The following PLXNA4 variants were observed in gnomAD, a reference collection of about 807,000 sequenced individuals.
PLXNA4 encodes plexin A4, also known as plexin-A4.
PLXNA4 carries 44 observed loss-of-function variants against 191.8 expected under a neutral mutation model. The observed-to-expected ratio is 0.23, with a 90% CI of 0.18 to 0.29. The LOEUF (loss-of-function observed/expected upper bound fraction) is 0.29. PLXNA4 is among the 10% of genes least tolerant of loss of function. PLXNA4 has a pLI of 1.00. For synonymous variants in PLXNA4, 1,082 were observed against 1,009.5 expected (o/e 1.07, Z -1.36); for missense variants, 1,800 against 2,488.8 (o/e 0.72, Z 5.89).
intron 1 of PLXNA4, among the ~76,000 whole-genome samples, chr7:132,573,918 A>C (rs2116780230): frequency 6.6e-6 from 1 of 152,286 alleles, no homozygotes; most frequent in South Asian, 2.1e-4. Flanking sequence ...CCCAGTGAGA[A>C]AGACCTCAGA....
intron 2 of PLXNA4, among the ~76,000 whole-genome samples, chr7:132,623,565 A>T (rs1296627594): frequency 1.3e-5 from 2 of 152,128 alleles, no homozygotes; most frequent in East Asian, 3.9e-4. Flanking sequence ...AGCTCCTTCC[A>T]CCATAGCAGC....
chr7:132,267,927 C>T (rs189270669), intron 4 of PLXNA4, among the ~76,000 whole-genome samples: 9 of 152,312 alleles, frequency 5.9e-5, no homozygotes, highest in African/African-American at 2.2e-4. Flanking sequence ...CTAATGCACG[C>T]ACTGCCACCC....
At chr7:132,575,119 G>A (rs1319972724) in intron 1 of PLXNA4, among the ~76,000 whole-genome samples, 1 of 152,094 alleles carries the variant, frequency 6.6e-6, no homozygotes, top group African/African-American at 2.4e-5. Context: ...ATTTGATTTG[G>A]ATCTCATGTT....
intron 3 of PLXNA4, among the ~76,000 whole-genome samples, chr7:132,423,201 T>G (rs529985044): frequency 3.3e-5 from 5 of 152,386 alleles, no homozygotes; most frequent in Non-Finnish European, 5.9e-5. Context: ...CCCAGCACTG[T>G]GCTGGGTACT....
rs573230183 is a variant in PLXNA4 at position 132,135,669 on chromosome 7, T to A, written c.5439-2470A>T. On this transcript the variant is annotated intron_variant, in intron 30 of 31. Transcript: ENST00000321063. ...AAGAGAATATCTAGAAGTATATATG[T>A]GTGTGTGAGAAAGACAGAGAGAGCT... 2.6e-5 allele frequency among the ~76,000 whole-genome samples: 4 copies of A among 152,218 alleles called. No homozygotes were observed. The South Asian group carries it at 8.3e-4, about 32-fold the overall frequency.
intron 3 of PLXNA4, among the ~76,000 whole-genome samples, chr7:132,366,261 C>T (rs1386735279): frequency 1.3e-5 from 2 of 152,120 alleles, no homozygotes; most frequent in African/African-American, 4.8e-5. Context: ...CATGGTGGCT[C>T]CCACCTATAA....
chr7:132,459,819 G>A (rs529377090), intron 3 of PLXNA4, among the ~76,000 whole-genome samples: 6 of 152,270 alleles, frequency 3.9e-5, no homozygotes, highest in Admixed American at 6.5e-5. Context: ...TTCCGGTTTC[G>A]ATGATCTAAA....
At chr7:132,470,582 G>A (rs1157834525) in intron 3 of PLXNA4, among the ~76,000 whole-genome samples, 1 of 152,174 alleles carries the variant, frequency 6.6e-6, no homozygotes, top group Non-Finnish European at 1.5e-5. Flanking sequence ...AAAGGGACTT[G>A]GAAGATATCA....
chr7:132,182,838 G>A (rs1796755048), intron 16 of PLXNA4, among the ~76,000 whole-genome samples: 1 of 152,048 alleles, frequency 6.6e-6, no homozygotes, highest in Non-Finnish European at 1.5e-5. Context: ...CTGAGAGGGA[G>A]GGCACAGGAC....
intron 4 of PLXNA4, among the ~76,000 whole-genome samples, chr7:132,262,541 T>C (rs1184363228): frequency 2.6e-5 from 4 of 152,122 alleles, no homozygotes; most frequent in Non-Finnish European, 5.9e-5. Flanking sequence ...AAAGAGTTGG[T>C]GGCACAGACA....
intron 2 of PLXNA4, among the ~76,000 whole-genome samples, chr7:132,500,716 T>C (rs1798214295): frequency 6.6e-6 from 1 of 152,202 alleles, no homozygotes; most frequent in African/African-American, 2.4e-5. Flanking sequence ...ATGAAGATGT[T>C]TGAGTGTCCT....
chr7:132,187,094 C>G (rs1171977887), intron 15 of PLXNA4, among the ~76,000 whole-genome samples: 2 of 152,116 alleles, frequency 1.3e-5, no homozygotes, highest in African/African-American at 4.8e-5. Flanking sequence ...CACCCAGGAA[C>G]TGAAGACAGC....
chr7:132,508,899 GTGCTGGAGGCTGACT>G lies in PLXNA4; in HGVS notation c.-86-135_-86-121del. 8.7e-6 allele frequency: 9 copies of G among 1,039,502 alleles called. No individual in the cohort carries two copies. The highest frequency in any genetic ancestry group is 1.2e-5 in the Non-Finnish European group (9 of 767,462). The allele number at this position is 1,039,502 out of a possible 1,614,324, so 64.4% of individuals were successfully genotyped here. ...ACACTGAGCAGAACTGCACTGGGGGGTGCTGGAGGCTGACTGAGTCAACCCCCACCACGGGCATGT... is the reference window on the plus strand; with the variant it reads ...ACACTGAGCAGAACTGCACTGGGGGGGAGTCAACCCCCACCACGGGCATGT... On this transcript the variant is annotated intron_variant, in intron 1 of 31. Transcript: ENST00000321063. This position sits in a 1 kb window ranked among gnomAD's most constrained non-coding sequence, Gnocchi z 4.4.
chr7:132,424,839 TG>T (rs972064451), intron 3 of PLXNA4, among the ~76,000 whole-genome samples: 4 of 152,234 alleles, frequency 2.6e-5, no homozygotes, highest in African/African-American at 9.6e-5. Context: ...TGCTAGCGTG[TG>T]GTTTGGCAGC....
chr7:132,565,054 C>T (rs540755323), intron 1 of PLXNA4, among the ~76,000 whole-genome samples: 11 of 152,314 alleles, frequency 7.2e-5, no homozygotes, highest in South Asian at 4.1e-4. Flanking sequence ...ACACGGGAGC[C>T]GGCAAGGTGT....
chr7:132,168,188 C>T (rs1796176707), intron 22 of PLXNA4, 116 bp downstream of exon 22: 1 of 1,368,650 alleles, frequency 7.3e-7, no homozygotes, highest in East Asian at 2.7e-5. Flanking sequence ...TAGTTAGTGA[C>T]TTGAACTTGG....
At chr7:132,647,173 A>T (rs1448092253) in intron 1 of PLXNA4, among the ~76,000 whole-genome samples, 1 of 151,878 alleles carries the variant, frequency 6.6e-6, no homozygotes, top group Non-Finnish European at 1.5e-5. Context: ...ACATTCACAA[A>T]CCCACAGTCA....
At chr7:132,578,747 G>A (rs1432266722), upstream of PLXNA4, among the ~76,000 whole-genome samples, 2 of 152,182 alleles carry the variant, frequency 1.3e-5, no homozygotes, top group African/African-American at 4.8e-5. Context: ...GATATTCCAG[G>A]AGACAGCGTG....
chr7:132,180,819 C>T lies in PLXNA4; in HGVS notation c.3493-87G>A. ...TCTCATGTCCTCCCACCTGGAGGTC[C>T]CATCCCGCTGGTGAGCTGGTGAAGA... On this transcript the variant is annotated intron_variant, in intron 18 of 31. Coordinates refer to ENST00000321063, the MANE Select transcript of PLXNA4 (RefSeq NM_020911.2). The T allele has an allele frequency of 3.2e-6, 5 of 1,541,058 alleles. No homozygotes were observed. The South Asian group carries it at 6.2e-5, about 19-fold the overall frequency.
Sources: allele counts gnomAD v4.1 joint callset (sites outside exome capture counted in the v4.1 genomes callset), GRCh38; gene constraint gnomAD v4.1.1; non-coding constraint Gnocchi (gnomAD v3.1); transcripts MANE v1.5; gene names NCBI Gene and HGNC (gene_info 2026-07-23, HGNC 2026-07-21).